The following SLC15A5 variants were observed in gnomAD, a reference collection of about 807,000 sequenced individuals.
The protein encoded by SLC15A5 is Peptide/histidine transporter ENSP00000340402.
SLC15A5 carries 58 observed loss-of-function variants against 56.1 expected under a neutral mutation model. That is an observed-to-expected ratio of 1.03 (90% confidence interval 0.84 to 1.29). The LOEUF (loss-of-function observed/expected upper bound fraction) is 1.29. Among genes scored for constraint, SLC15A5 ranks in the 50% most tolerant of loss-of-function variants. SLC15A5 has a pLI of 0.00. For synonymous variants in SLC15A5, 264 were observed against 250.5 expected (o/e 1.05, Z -0.51); for missense variants, 681 against 672.1 (o/e 1.01, Z -0.15).
intron 7 of SLC15A5, among the ~76,000 whole-genome samples, chr12:16,206,083 A>G (rs1430814459): frequency 6.6e-6 from 1 of 152,198 alleles, no homozygotes; most frequent in Admixed American, 6.5e-5. Context: ...GGAGCGAAAA[A>G]GGGTGCAATT....
chr12:16,277,102 C>T (rs1432242981), intron 1 of SLC15A5, among the ~76,000 whole-genome samples: 2 of 121,956 alleles, frequency 1.6e-5, no homozygotes, highest in Admixed American at 9.3e-5. Context: ...AATATAAATG[C>T]AATGATATAG....
intron 7 of SLC15A5, among the ~76,000 whole-genome samples, chr12:16,214,249 AGTT>A (rs752224124): frequency 1.3e-5 from 2 of 152,230 alleles, no homozygotes; most frequent in Non-Finnish European, 2.9e-5. Context: ...TTGTAGGAAT[AGTT>A]GTGTGATTAA....
intron 7 of SLC15A5, among the ~76,000 whole-genome samples, chr12:16,212,840 A>G (rs1364079492): frequency 6.6e-6 from 1 of 152,192 alleles, no homozygotes; most frequent in Admixed American, 6.5e-5. Flanking sequence ...AATGTCTATT[A>G]CTTAGGATGA....
At chr12:16,246,746 T>C (rs1211241043) in intron 3 of SLC15A5, among the ~76,000 whole-genome samples, 1 of 152,200 alleles carries the variant, frequency 6.6e-6, no homozygotes, top group Non-Finnish European at 1.5e-5. Flanking sequence ...ACCGTTTTTT[T>C]GTATAAACAA....
In SLC15A5 at chr12:16,271,846, G is replaced by A. The variant is rs763492552; in HGVS notation, c.584+715C>T. On this transcript the variant is annotated intron_variant, in intron 2 of 8. Coordinates refer to ENST00000344941, the MANE Select transcript of SLC15A5 (RefSeq NM_001170798.1). This position sits in a 1 kb window ranked among gnomAD's most constrained non-coding sequence, Gnocchi z 8.0. ...TTCCTTAAAAAACACAAAAACCGAC[G>A]AACTCCATAAGAACTCGTTGGGAGA... Among the ~76,000 whole-genome samples the A allele has an allele frequency of 9.9e-5, 15 of 152,030 alleles. No individual in the cohort carries two copies. The highest frequency in any genetic ancestry group is 2.7e-4 in the African/African-American group (11 of 41,392).
At chr12:16,260,472 C>G (rs1004313094) in intron 2 of SLC15A5, among the ~76,000 whole-genome samples, 3 of 151,344 alleles carry the variant, frequency 2.0e-5, no homozygotes, top group African/African-American at 7.3e-5. Flanking sequence ...TTGGCTAATA[C>G]TGGAAATCCT....
At position 16,264,675 on chromosome 12, in the gene SLC15A5, A is replaced by G. The variant is rs1565674496; in HGVS notation, c.585-6805T>C. ...TGTGGGAGGGACCAGGTGGGAGATG[A>G]TAGAATCATGGGGGCACATCTTTCC... On this transcript the variant is annotated intron_variant, in intron 2 of 8. Transcript: ENST00000344941. Among the ~76,000 whole-genome samples the G allele has an allele frequency of 3.9e-5, 6 of 152,300 alleles. No homozygotes were observed. In the South Asian group the frequency reaches 1.2e-3, roughly 32 times the overall value.
At position 16,189,367 on chromosome 12, in the gene SLC15A5, A is replaced by G. The variant is rs192484491; in HGVS notation, c.*301T>C. 3.8e-4 allele frequency: 72 copies of G among 188,758 alleles called. No individual in the cohort carries two copies. The highest frequency in any genetic ancestry group is 1.5e-3 in the African/African-American group (64 of 43,142). 11.7% of individuals were successfully genotyped at this position (188,758 alleles called of 1,614,324 possible). On this transcript the variant is annotated 3_prime_UTR_variant, in exon 9 of 9. Transcript: ENST00000344941. ...AAGGTCATACGCTTTCAATGGCTGAACCATTGTAGAAAGCTGTAAGGTATT... is the reference window on the plus strand; with the variant it reads ...AAGGTCATACGCTTTCAATGGCTGAGCCATTGTAGAAAGCTGTAAGGTATT...
At chr12:16,207,975 G>C (rs1336164743) in intron 7 of SLC15A5, among the ~76,000 whole-genome samples, 1 of 152,010 alleles carries the variant, frequency 6.6e-6, no homozygotes. Context: ...CTTAACACTT[G>C]TCTTCTAAAT....
rs530856390 is a variant in SLC15A5, at chr12:16,188,917, G to A, written c.*751C>T. ...TGCATCTGAATTGGCAGTGGAGACCGAAAGATGTTATTCATATAATTCCTT... is the reference window on the plus strand; with the variant it reads ...TGCATCTGAATTGGCAGTGGAGACCAAAAGATGTTATTCATATAATTCCTT... On this transcript the variant is annotated 3_prime_UTR_variant, in exon 9 of 9. Coordinates refer to ENST00000344941, the MANE Select transcript of SLC15A5 (RefSeq NM_001170798.1). 1.3e-5 allele frequency: 2 copies of A among 152,306 alleles called. No homozygotes were observed. The highest frequency in any genetic ancestry group is 4.8e-5 in the African/African-American group (2 of 41,580). 9.4% of individuals were successfully genotyped at this position (152,306 alleles called of 1,614,324 possible).
chr12:16,240,475 G>T (rs1322111272), intron 4 of SLC15A5, among the ~76,000 whole-genome samples: 2 of 151,854 alleles, frequency 1.3e-5, no homozygotes, highest in African/African-American at 2.4e-5. Flanking sequence ...TTGTGTCTTT[G>T]CCCTCCCTTC....
intron 5 of SLC15A5, among the ~76,000 whole-genome samples, chr12:16,233,129 T>G (rs959728059): frequency 1.3e-5 from 2 of 152,208 alleles, no homozygotes; most frequent in African/African-American, 4.8e-5. Flanking sequence ...TCCTGACTAA[T>G]TTGAGGTAAT....
At chr12:16,251,097 A>C (rs1380334388) in intron 3 of SLC15A5, among the ~76,000 whole-genome samples, 1 of 152,040 alleles carries the variant, frequency 6.6e-6, no homozygotes, top group Non-Finnish European at 1.5e-5. Flanking sequence ...CAAATTGGAC[A>C]AAGAAGAAAT....
At chr12:16,221,023 G>A (rs1169809848) in intron 6 of SLC15A5, among the ~76,000 whole-genome samples, 5 of 152,066 alleles carry the variant, frequency 3.3e-5, no homozygotes, top group Non-Finnish European at 7.4e-5. Flanking sequence ...TCTTAGTAGG[G>A]TAGGCTATGT....
At chr12:16,258,243 A>G (rs1363348744) in intron 2 of SLC15A5, among the ~76,000 whole-genome samples, 1 of 152,184 alleles carries the variant, frequency 6.6e-6, no homozygotes, top group Admixed American at 6.5e-5. Context: ...TTAATCATTC[A>G]AATACCCCTA....
intron 2 of SLC15A5, among the ~76,000 whole-genome samples, chr12:16,270,708 TC>T (rs1864744403): frequency 6.6e-6 from 1 of 152,128 alleles, no homozygotes; most frequent in Admixed American, 6.5e-5. Flanking sequence ...ACCATAAAAC[TC>T]CTAAGTGACA....
At chr12:16,213,496 C>G (rs989814538) in intron 7 of SLC15A5, among the ~76,000 whole-genome samples, 4 of 152,042 alleles carry the variant, frequency 2.6e-5, no homozygotes, top group Non-Finnish European at 5.9e-5. Context: ...CTCTGTAGAA[C>G]ATAGTGATCA....
intron 2 of SLC15A5, among the ~76,000 whole-genome samples, chr12:16,272,121 C>T (rs1864766292): frequency 6.6e-6 from 1 of 152,106 alleles, no homozygotes; most frequent in South Asian, 2.1e-4. Context: ...AAGTTCTTTG[C>T]CAGCAATACA....
chr12:16,204,695 T>C (rs923027926), intron 7 of SLC15A5, among the ~76,000 whole-genome samples: 10 of 152,066 alleles, frequency 6.6e-5, no homozygotes, highest in African/African-American at 2.2e-4. Flanking sequence ...TGTTAAAATA[T>C]GTAAAACTGA....
Sources: gnomAD v4.1 joint callset for allele counts (sites outside exome capture counted in the v4.1 genomes callset) on GRCh38, gnomAD v4.1.1 for gene constraint, Gnocchi (gnomAD v3.1) non-coding constraint, MANE v1.5 for transcripts, NCBI Gene and HGNC (gene_info 2026-07-23, HGNC 2026-07-21) for gene names.